Variants in KMT2E observed in about 807,000 individuals in gnomAD.
The protein encoded by KMT2E is lysine methyltransferase 2E (inactive), also known as histone reader KMT2E.
Under a neutral mutation model 184.6 loss-of-function variants are expected in KMT2E, and 30 were observed. The ratio of observed to expected loss-of-function variants is 0.16; its 90% CI spans 0.12 to 0.22. KMT2E has a LOEUF of 0.22. KMT2E is among the 10% of genes least tolerant of loss of function. The pLI is 1.00. For missense variants in KMT2E, 2,023 were observed against 2,237.4 expected (o/e 0.90, Z 1.93); for synonymous variants, 815 against 776.5 (o/e 1.05, Z -0.82).
intron 1 of KMT2E, among the ~76,000 whole-genome samples, chr7:105,022,249 C>G (rs1490946267): frequency 6.6e-6 from 1 of 151,982 alleles, no homozygotes; most frequent in Non-Finnish European, 1.5e-5. Context: ...TTTTTCAGTA[C>G]CATTAGCCGA....
chr7:105,095,040 A>T (rs954280546), intron 15 of KMT2E, among the ~76,000 whole-genome samples: 2 of 152,180 alleles, frequency 1.3e-5, no homozygotes, highest in African/African-American at 4.8e-5. Context: ...CACTGATTAA[A>T]ATCATGCTGA....
intron 13 of KMT2E, among the ~76,000 whole-genome samples, chr7:105,087,163 TATATA>T (rs1281646765): frequency 6.8e-6 from 1 of 146,848 alleles, no homozygotes; most frequent in Non-Finnish European, 1.5e-5. Flanking sequence ...TGCGGACTGG[TATATA>T]ATAAAATATA....
At chr7:105,095,493 A>C (rs1798367532) in intron 15 of KMT2E, among the ~76,000 whole-genome samples, 1 of 152,062 alleles carries the variant, frequency 6.6e-6, no homozygotes, top group Admixed American at 6.5e-5. Context: ...CAAAATACTC[A>C]GGGATGAAGA....
intron 1 of KMT2E, among the ~76,000 whole-genome samples, chr7:105,019,703 TACG>T (rs1421647238): frequency 9.9e-5 from 15 of 152,242 alleles, no homozygotes; most frequent in Non-Finnish European, 1.9e-4. Context: ...GCTTTATTTT[TACG>T]ACAATTGGAC....
intron 3 of KMT2E, among the ~76,000 whole-genome samples, chr7:105,050,660 T>C (rs866278463): frequency 2.6e-5 from 4 of 151,688 alleles, no homozygotes; most frequent in African/African-American, 9.7e-5. Context: ...CTTTCTTTCT[T>C]TCTTTTTTCT....
intron 1 of KMT2E, among the ~76,000 whole-genome samples, chr7:105,026,426 A>G (rs1483184104): frequency 3.3e-5 from 5 of 152,200 alleles, no homozygotes; most frequent in Admixed American, 2.0e-4. Context: ...ATAATACTAT[A>G]GATTAATTTA....
intron 13 of KMT2E, among the ~76,000 whole-genome samples, chr7:105,082,057 A>G (rs1291986445): frequency 6.6e-6 from 1 of 152,172 alleles, no homozygotes; most frequent in Non-Finnish European, 1.5e-5. Context: ...CAGCCATACA[A>G]CACTGACCTT....
Position 105,112,462 on chromosome 7 carries a change from A to T in KMT2E, c.4706A>T (p.Tyr1569Phe). 2 of 1,613,834 alleles carry T rather than the reference A, an allele frequency of 1.2e-6. No individual in the cohort carries two copies. The highest frequency in any genetic ancestry group is 2.2e-5 in the South Asian group (2 of 91,072). Reference protein sequence around the residue: ...NQQPSANFQNYNQLKGSLSQQ... With the variant: ...NQQPSANFQNFNQLKGSLSQQ... ...CAGCCCTCTGCAAACTTTCAGAATT[A>T]TAATCAGCTCAAAGGTAGTCTTTCT... is the stretch of plus-strand genomic sequence containing the variant. The change falls in exon 27 of 27, where the codon TAT becomes TTT. Residue 1569 changes from tyrosine (Y) to phenylalanine (F), a missense_variant. Tyr to Phe is a conservative substitution (Grantham distance 22). Transcript: ENST00000311117.
intron 15 of KMT2E, among the ~76,000 whole-genome samples, chr7:105,097,273 G>T (rs1798448399): frequency 6.6e-6 from 1 of 151,810 alleles, no homozygotes; most frequent in Non-Finnish European, 1.5e-5. Context: ...CTCCGTTGAT[G>T]CTGATTTTTT....
chr7:105,056,816 C>T (rs1469991464), intron 3 of KMT2E, among the ~76,000 whole-genome samples: 2 of 152,138 alleles, frequency 1.3e-5, no homozygotes, highest in South Asian at 2.1e-4. Context: ...TGCATTTTCA[C>T]ATCCTTTATA....
At chr7:105,019,245 CAG>C (rs1794843878) in intron 1 of KMT2E, among the ~76,000 whole-genome samples, 1 of 152,092 alleles carries the variant, frequency 6.6e-6, no homozygotes, top group Non-Finnish European at 1.5e-5. Flanking sequence ...TTACTTAAAT[CAG>C]AGTCAGGAAA....
chr7:105,110,351 G>A lies in KMT2E; in HGVS notation c.3827G>A (p.Arg1276Gln), dbSNP rs765364412. ...AGAGCTTTACTTCTCAGTGATCACC[G>A]AAAAGATAAAGATAGTGGTAAGTGA... ...YQRALLLSDH[R>Q]KDKDSGGESP... is the part of the protein sequence containing the mutation. The change falls in exon 24 of 27, where the codon CGA becomes CAA. Residue 1276 changes from arginine to glutamine, a missense_variant. Arg to Gln is a conservative substitution (Grantham distance 43). Coordinates refer to ENST00000311117, the MANE Select transcript of KMT2E (RefSeq NM_182931.3). 3.1e-5 allele frequency: 50 copies of A among 1,613,962 alleles called. No individual in the cohort carries two copies. Among genetic ancestry groups the A allele is most frequent in the Non-Finnish European group, 3.9e-5 (46 of 1,179,962 alleles).
intron 6 of KMT2E, among the ~76,000 whole-genome samples, chr7:105,071,878 A>G (rs1797336551): frequency 6.6e-6 from 1 of 151,940 alleles, no homozygotes; most frequent in Non-Finnish European, 1.5e-5. Context: ...TAATCTCAGC[A>G]TAGTTATGGT....
In KMT2E at chr7:105,107,476, A is replaced by T; in HGVS notation, c.3019A>T (p.Thr1007Ser). The part of the protein sequence containing the change: ...TIGYTSPRSR[T>S]EVNRQCPGEK... ...TGGTTATACGAGCCCTAGGAGTAGG[A>T]CTGAAGTCAACAGGCAGTGTCCTGG... The change falls in exon 22 of 27, where the codon ACT becomes TCT. Residue 1007 changes from threonine to serine, a missense_variant. Physicochemically the swap from Thr to Ser is moderately conservative, Grantham distance 58. Around this residue, in one of 8 missense-constraint regions of KMT2E, gnomAD observed 1,108 missense variants for 1,050.9 expected, o/e 1.05. Transcript: ENST00000311117. The T allele has an allele frequency of 3.1e-6, 5 of 1,614,154 alleles. No individual in the cohort carries two copies. Among genetic ancestry groups the T allele is most frequent in the Non-Finnish European group, 4.2e-6 (5 of 1,180,010 alleles).
Position 105,076,991 on chromosome 7 carries a change from C to G in KMT2E, c.797C>G (p.Ser266Cys), listed in dbSNP as rs780150295. ...TCAGCTCCAGAGATTGATCCTTCAT[C>G]TGATGGTTCAAATTTTGGATGGGAG... ...KGSAPEIDPS[S>C]DGSNFGWETK... Residue 266 changes from serine (S) to cysteine (C), a missense_variant, in exon 10 of 27, where the codon TCT becomes TGT. This residue lies in a region of KMT2E where 191 missense variants were observed against 209.0 expected (regional missense o/e 0.91). Coordinates refer to ENST00000311117, the MANE Select transcript of KMT2E (RefSeq NM_182931.3). The G allele has an allele frequency of 1.2e-6, 2 of 1,612,810 alleles. No homozygotes were observed. Among genetic ancestry groups the G allele is most frequent in the Non-Finnish European group, 1.7e-6 (2 of 1,179,664 alleles).
intron 1 of KMT2E, among the ~76,000 whole-genome samples, chr7:105,030,475 T>C (rs1795363957): frequency 6.6e-6 from 1 of 152,210 alleles, no homozygotes; most frequent in Non-Finnish European, 1.5e-5. Context: ...GGATTATTAG[T>C]ATGGAACAAG....
At chr7:105,073,400 A>G (rs1433703375) in intron 6 of KMT2E, among the ~76,000 whole-genome samples, 132 of 63,430 alleles carry the variant, frequency 2.1e-3, no homozygotes, top group East Asian at 0.016. Flanking sequence ...CTGTCTGGGG[A>G]AAAAAAAAAA....
At position 105,058,295 on chromosome 7, in the gene KMT2E, T is replaced by G. The variant is rs185482018; in HGVS notation, c.72-3869T>G. Among the ~76,000 whole-genome samples, 195 of 152,318 alleles carry G rather than the reference T, an allele frequency of 1.3e-3. 4 individuals are homozygous for G. The highest frequency in any genetic ancestry group is 4.5e-3 in the African/African-American group (188 of 41,570). ...CTGTGTGCTTCTTATCACATAGCAT[T>G]AGGAGAGGCAAATAAAGCTTGGTTG... On this transcript the variant is annotated intron_variant, in intron 3 of 26. Transcript: ENST00000311117.
intron 11 of KMT2E, 115 bp downstream of exon 11, chr7:105,077,548 A>T: frequency 1.3e-6 from 1 of 773,442 alleles, no homozygotes; most frequent in Admixed American, 2.6e-5. Context: ...TCATTTCAGT[A>T]TTTAAAGCTG....
Sources: gnomAD v4.1 joint callset for allele counts (sites outside exome capture counted in the v4.1 genomes callset) on GRCh38, gnomAD v4.1.1 for gene constraint, gnomAD v4.1.1 regional missense constraint, MANE v1.5 for transcripts, NCBI Gene and HGNC (gene_info 2026-07-23, HGNC 2026-07-21) for gene names.